Variants in EXOC6B observed in about 807,000 individuals in gnomAD.
The protein encoded by EXOC6B is SEC15 homolog B.
A neutral mutation model predicts 113.5 loss-of-function variants in EXOC6B; 54 were observed. That is an observed-to-expected ratio of 0.48 (90% confidence interval 0.38 to 0.60). The LOEUF is 0.60. Among genes scored for constraint, EXOC6B ranks in the 20% least tolerant of loss-of-function variants. The pLI is 0.00. For synonymous variants in EXOC6B, 357 were observed against 339.0 expected (o/e 1.05, Z -0.58); for missense variants, 797 against 977.5 (o/e 0.82, Z 2.46).
intron 6 of EXOC6B, among the ~76,000 whole-genome samples, chr2:72,591,820 T>C (rs1048206072): frequency 5.9e-5 from 9 of 152,242 alleles, no homozygotes; most frequent in African/African-American, 1.9e-4. Context: ...AATATCATTA[T>C]GTAGCAAATA....
chr2:72,196,591 G>C (rs1679182937), intron 20 of EXOC6B, among the ~76,000 whole-genome samples: 1 of 152,184 alleles, frequency 6.6e-6, no homozygotes, highest in Admixed American at 6.5e-5. Flanking sequence ...AGAAGCATTA[G>C]ATAAGTGGTT....
At chr2:72,700,239 C>CACACACAG (rs1678216372) in intron 6 of EXOC6B, among the ~76,000 whole-genome samples, 1 of 148,214 alleles carries the variant, frequency 6.7e-6, no homozygotes, top group African/African-American at 2.5e-5. Flanking sequence ...ACCACAGAAA[C>CACACACAG]ACACACACAC....
chr2:72,415,598 G>A (rs1179755011), intron 18 of EXOC6B, among the ~76,000 whole-genome samples: 6 of 150,626 alleles, frequency 4.0e-5, no homozygotes, highest in Admixed American at 1.3e-4. Context: ...TGTGATGATC[G>A]GACTTAGATC....
intron 18 of EXOC6B, among the ~76,000 whole-genome samples, chr2:72,414,042 T>C (rs1160996484): frequency 6.6e-6 from 1 of 152,238 alleles, no homozygotes; most frequent in African/African-American, 2.4e-5. Context: ...TGTAACACAT[T>C]GATAAAATCA....
At chr2:72,736,598 A>T (rs998573528) in intron 2 of EXOC6B, among the ~76,000 whole-genome samples, 3 of 152,196 alleles carry the variant, frequency 2.0e-5, no homozygotes, top group Non-Finnish European at 4.4e-5. Context: ...AAGTTGAAGG[A>T]ATTTGCAACT....
rs1355956236 is a variant in EXOC6B at position 72,498,481 on chromosome 2, A to C, written c.1310T>G (p.Leu437Arg). 6.2e-7 allele frequency: 1 copy of C among 1,611,520 alleles called. No homozygotes were observed. Among genetic ancestry groups the C allele is most frequent in the Non-Finnish European group, 8.5e-7 (1 of 1,178,922 alleles). The change falls in exon 13 of 22, where the codon CTG becomes CGG. Residue 437 changes from leucine to arginine, a missense_variant. Physicochemically the swap from Leu to Arg is moderately radical, Grantham distance 102. Transcript: ENST00000272427. ...GAAAATACCTGCCCACTTCTTTAGC[A>C]GAGTTTCACTATATTGGTCTCTGAT... is the stretch of plus-strand genomic sequence containing the variant. ...LEIRDQYSET[L>R]LKKWAGIFRN...
chr2:72,515,845 A>G, intron 8 of EXOC6B: 1 of 550,412 alleles, frequency 1.8e-6, no homozygotes, highest in Admixed American at 6.3e-5. Context: ...GGTTAAATTA[A>G]GATGTGATCC....
intron 18 of EXOC6B, among the ~76,000 whole-genome samples, chr2:72,392,470 G>C (rs1692450584): frequency 6.6e-6 from 1 of 152,182 alleles, no homozygotes; most frequent in Non-Finnish European, 1.5e-5. Flanking sequence ...ATTCATCTTT[G>C]ATACAATTTG....
At chr2:72,513,276 C>T (rs775973194) in intron 10 of EXOC6B, 24 bp from the exon 11 acceptor site, 1 of 1,611,084 alleles carries the variant, frequency 6.2e-7, no homozygotes, top group South Asian at 1.1e-5. Context: ...AAAAAGAAAG[C>T]ACAGCTGTCA....
At chr2:72,638,732 G>A (rs1673017719) in intron 6 of EXOC6B, among the ~76,000 whole-genome samples, 1 of 152,212 alleles carries the variant, frequency 6.6e-6, no homozygotes, top group East Asian at 1.9e-4. Flanking sequence ...GGGGCAGCAA[G>A]CCAGCTCATG....
chr2:72,266,722 T>A (rs1395275465), intron 20 of EXOC6B, among the ~76,000 whole-genome samples: 2 of 152,226 alleles, frequency 1.3e-5, no homozygotes, highest in African/African-American at 2.4e-5. Flanking sequence ...GGCTTAGGAT[T>A]GACTTGGTGA....
Position 72,267,994 on chromosome 2 carries a change from G to A in EXOC6B, c.2196+66953C>T, listed in dbSNP as rs147719806. 5.2e-3 allele frequency among the ~76,000 whole-genome samples: 787 copies of A among 152,156 alleles called. 11 individuals carry two copies. The highest frequency in any genetic ancestry group is 0.018 in the African/African-American group (738 of 41,498). On this transcript the variant is annotated intron_variant, in intron 20 of 21. Coordinates refer to ENST00000272427, the MANE Select transcript of EXOC6B (RefSeq NM_015189.3). ...GTATGTTCCATGAAGTACTATTTGC[G>A]ACAGCAATAAAAATGGGAACATCTT...
intron 20 of EXOC6B, among the ~76,000 whole-genome samples, chr2:72,329,141 A>T (rs1688295189): frequency 6.6e-6 from 1 of 152,082 alleles, no homozygotes; most frequent in South Asian, 2.1e-4. Context: ...TTTCATAAAA[A>T]CTTTCCCCTG....
chr2:72,631,447 TATATATATATATATAGAGAGAGAGAGAG>T (rs1672419587), intron 6 of EXOC6B, among the ~76,000 whole-genome samples: 14 of 65,770 alleles, frequency 2.1e-4, no homozygotes, highest in African/African-American at 4.7e-4. Flanking sequence ...TATATATATA[TATATATATATATATAGAGAGAGAGAGAG>T]AGAGAGAGAG....
At chr2:72,405,767 A>G (rs1391971305) in intron 18 of EXOC6B, among the ~76,000 whole-genome samples, 6 of 152,240 alleles carry the variant, frequency 3.9e-5, no homozygotes, top group African/African-American at 7.2e-5. Flanking sequence ...TGTAAAGACC[A>G]TCGATGCTAG....
intron 18 of EXOC6B, among the ~76,000 whole-genome samples, chr2:72,384,945 T>C (rs1034192222): frequency 2.0e-5 from 3 of 152,154 alleles, no homozygotes; most frequent in Non-Finnish European, 2.9e-5. Flanking sequence ...CCCAAAGTGA[T>C]CTACAAACTC....
At position 72,821,264 on chromosome 2, in the gene EXOC6B, C is replaced by G. The variant is rs553646429; in HGVS notation, c.113+4534G>C. Among the ~76,000 whole-genome samples the G allele has an allele frequency of 9.4e-4, 143 of 152,154 alleles. 2 individuals carry two copies. The South Asian group carries it at 0.029, about 31-fold the overall frequency. ...GCTATTACGGGAATGCAAATCAAAA[C>G]TACAATGAAATGCAACTTCACACCC... On this transcript the variant is annotated intron_variant, in intron 1 of 21. Transcript: ENST00000272427.
At chr2:72,683,710 A>T (rs1676875229) in intron 6 of EXOC6B, among the ~76,000 whole-genome samples, 1 of 152,166 alleles carries the variant, frequency 6.6e-6, no homozygotes, top group Non-Finnish European at 1.5e-5. Flanking sequence ...GATGTTTTCA[A>T]ATGTGGGGGA....
chr2:72,630,651 T>A (rs1357720645), intron 6 of EXOC6B, among the ~76,000 whole-genome samples: 1 of 152,104 alleles, frequency 6.6e-6, no homozygotes, highest in Non-Finnish European at 1.5e-5. Flanking sequence ...AATAAATATT[T>A]ATTTTCATTC....
Sources: allele counts gnomAD v4.1 joint callset (sites outside exome capture counted in the v4.1 genomes callset), GRCh38; gene constraint gnomAD v4.1.1; transcripts MANE v1.5; gene names NCBI Gene and HGNC (gene_info 2026-07-23, HGNC 2026-07-21).